Variants in EYA2 observed in about 807,000 individuals in gnomAD.
EYA2 encodes the protein protein phosphatase EYA2.
A neutral mutation model predicts 69.2 loss-of-function variants in EYA2; 31 were observed. The observed-to-expected ratio is 0.45, with a 90% CI of 0.34 to 0.60. EYA2 has a LOEUF of 0.60. Among genes scored for constraint, EYA2 ranks in the 20% least tolerant of loss-of-function variants. EYA2 has a pLI of 0.02. For missense variants in EYA2, 622 were observed against 701.2 expected (o/e 0.89, Z 1.28); for synonymous variants, 257 against 279.4 (o/e 0.92, Z 0.80).
chr20:47,167,393 G>A (rs997813588), intron 10 of EYA2, among the ~76,000 whole-genome samples: 4 of 144,032 alleles, frequency 2.8e-5, no homozygotes, highest in Admixed American at 7.3e-5. Context: ...AGCTATTCTC[G>A]TGCCTCAGCC....
chr20:46,909,516 G>A (rs1005937055), intron 1 of EYA2, among the ~76,000 whole-genome samples: 3 of 152,160 alleles, frequency 2.0e-5, no homozygotes, highest in Non-Finnish European at 2.9e-5. Context: ...CCAGATGTAA[G>A]TGACAAAAAA....
chr20:47,119,572 T>G (rs1255948917), intron 9 of EYA2, among the ~76,000 whole-genome samples: 1 of 152,206 alleles, frequency 6.6e-6, no homozygotes, highest in Non-Finnish European at 1.5e-5. Context: ...AAGGTCATAT[T>G]TGTATGACTG....
At chr20:47,111,375 G>T (rs527747422) in intron 9 of EYA2, among the ~76,000 whole-genome samples, 2 of 152,322 alleles carry the variant, frequency 1.3e-5, no homozygotes, top group African/African-American at 4.8e-5. Flanking sequence ...TTCAGCCCAT[G>T]AGATTTTGAG....
At chr20:46,973,583 T>G (rs986620513) in intron 1 of EYA2, among the ~76,000 whole-genome samples, 7 of 152,246 alleles carry the variant, frequency 4.6e-5, no homozygotes, top group Admixed American at 4.6e-4. Flanking sequence ...ACTTCAAGTT[T>G]GAATTTGTTT....
chr20:46,909,832 C>G (rs1419762549), intron 1 of EYA2, among the ~76,000 whole-genome samples: 2 of 152,172 alleles, frequency 1.3e-5, no homozygotes. Flanking sequence ...CCCTCTCCTC[C>G]TGGACTACAG....
At chr20:47,018,726 T>G (rs1268898928) in intron 5 of EYA2, among the ~76,000 whole-genome samples, 1 of 152,244 alleles carries the variant, frequency 6.6e-6, no homozygotes, top group African/African-American at 2.4e-5. Flanking sequence ...AATAATATTC[T>G]TTCTTCTTAC....
intron 2 of EYA2, among the ~76,000 whole-genome samples, chr20:46,994,768 T>G (rs142602517): frequency 0.015 from 2,228 of 149,406 alleles, 74 homozygotes; most frequent in African/African-American, 0.052. Context: ...TGGGAGGAAA[T>G]GGTGCTATTA....
chr20:47,042,594 C>T (rs920197967), intron 5 of EYA2, among the ~76,000 whole-genome samples: 4 of 152,288 alleles, frequency 2.6e-5, no homozygotes, highest in Non-Finnish European at 5.9e-5. Context: ...TTCCAGATGG[C>T]GGGAACCATC....
At chr20:47,074,019 T>TG in intron 6 of EYA2, 139 bp from the exon 7 acceptor site, 1 of 830,842 alleles carries the variant, frequency 1.2e-6, no homozygotes, top group Non-Finnish European at 1.8e-6. Context: ...GGTCTGCTTC[T>TG]GGGAAACCAA....
chr20:47,172,475 G>A (rs2034340773), intron 11 of EYA2, among the ~76,000 whole-genome samples: 1 of 152,096 alleles, frequency 6.6e-6, no homozygotes, highest in Non-Finnish European at 1.5e-5. Context: ...TAAATGAAAG[G>A]CAAATGGATG....
chr20:46,987,916 G>GACTCTC (rs56288405), intron 1 of EYA2, among the ~76,000 whole-genome samples: 757 of 20,304 alleles, frequency 0.037, 285 homozygotes, highest in Non-Finnish European at 0.046. Context: ...GACAGAGTAA[G>GACTCTC]TCTCTCTCTC....
At chr20:46,983,095 C>T (rs1323066250) in intron 1 of EYA2, among the ~76,000 whole-genome samples, 1 of 152,060 alleles carries the variant, frequency 6.6e-6, no homozygotes, top group Non-Finnish European at 1.5e-5. Flanking sequence ...TTTTAAAGAG[C>T]CTAGATTTTT....
At chr20:46,908,954 T>C (rs1984509165) in intron 1 of EYA2, among the ~76,000 whole-genome samples, 3 of 143,754 alleles carry the variant, frequency 2.1e-5, no homozygotes, top group African/African-American at 7.7e-5. Context: ...AAAAATTGTT[T>C]CCAGGAAAAA....
intron 5 of EYA2, among the ~76,000 whole-genome samples, chr20:47,030,500 A>G (rs1984346224): frequency 6.6e-6 from 1 of 151,246 alleles, no homozygotes; most frequent in South Asian, 2.1e-4. Context: ...CCCCAGGCTG[A>G]CAGTCAAGCC....
chr20:46,901,720 G>A (rs1202770479), intron 1 of EYA2: 1 of 152,296 alleles, frequency 6.6e-6, no homozygotes, highest in Non-Finnish European at 1.5e-5. Flanking sequence ...GAGCCCCGAG[G>A]AGAATCGTGC....
chr20:47,072,134 A>G (rs529367574), intron 5 of EYA2, 51 bp from the exon 6 acceptor site: 15 of 1,540,946 alleles, frequency 9.7e-6, no homozygotes, highest in Non-Finnish European at 1.3e-5. Context: ...TGCTTTAAAG[A>G]GAAAAAAAGA....
chr20:46,943,747 G>A (rs1376447155), intron 1 of EYA2, among the ~76,000 whole-genome samples: 7 of 152,138 alleles, frequency 4.6e-5, no homozygotes, highest in Non-Finnish European at 7.4e-5. Flanking sequence ...CCGTGCTCCC[G>A]CCTTGCTCAT....
intron 4 of EYA2, among the ~76,000 whole-genome samples, chr20:47,011,426 G>A (rs1468769825): frequency 2.0e-5 from 3 of 152,118 alleles, no homozygotes; most frequent in African/African-American, 7.2e-5. Context: ...GCCCCTCTCA[G>A]GATCAAAGCC....
intron 10 of EYA2, among the ~76,000 whole-genome samples, chr20:47,159,550 G>A (rs1257913881): frequency 6.6e-6 from 1 of 152,002 alleles, no homozygotes; most frequent in African/African-American, 2.4e-5. Flanking sequence ...ATCTGAATAA[G>A]TAATTGACAG....
Sources: allele counts gnomAD v4.1 joint callset (sites outside exome capture counted in the v4.1 genomes callset), GRCh38; gene constraint gnomAD v4.1.1; transcripts MANE v1.5; gene names NCBI Gene and HGNC (gene_info 2026-07-23, HGNC 2026-07-21).